SLC25A16: variants seen among roughly 807,000 people sequenced by gnomAD.
SLC25A16 encodes the protein solute carrier family 25 member 16.
In SLC25A16, 39 loss-of-function variants were observed where a neutral mutation model predicts 41.5. That is an observed-to-expected ratio of 0.94 (90% CI 0.73 to 1.23). The LOEUF is 1.23. Among genes scored for constraint, SLC25A16 ranks in the 50% most tolerant of loss-of-function variants. SLC25A16 has a pLI of 0.00. For missense variants in SLC25A16, 421 were observed against 426.9 expected (o/e 0.99, Z 0.12); for synonymous variants, 146 against 147.8 (o/e 0.99, Z 0.09).
At chr10:68,515,224 G>T (rs2053140731) in intron 2 of SLC25A16, among the ~76,000 whole-genome samples, 1 of 150,726 alleles carries the variant, frequency 6.6e-6, no homozygotes, top group Non-Finnish European at 1.5e-5. Context: ...AGGCGTGGTG[G>T]TGCATGCCTG....
chr10:68,495,514 T>G lies in SLC25A16; in HGVS notation c.422-1944A>C, dbSNP rs557050610. Among the ~76,000 whole-genome samples the G allele has an allele frequency of 5.9e-5, 9 of 152,032 alleles. No individual in the cohort carries two copies. In the South Asian group the frequency reaches 1.7e-3, roughly 28 times the overall value. Reference sequence around the variant, plus strand: ...GTATATACTCTAGGGCCGGAAACAGTGGCTCACGCCTGTAATCCCAGCACT... The same window carrying G: ...GTATATACTCTAGGGCCGGAAACAGGGGCTCACGCCTGTAATCCCAGCACT... On this transcript the variant is annotated intron_variant, in intron 4 of 8. Coordinates refer to ENST00000609923, the MANE Select transcript of SLC25A16 (RefSeq NM_152707.4).
At chr10:68,488,231 CCA>C (rs1418150128) in intron 7 of SLC25A16, among the ~76,000 whole-genome samples, 2 of 152,122 alleles carry the variant, frequency 1.3e-5, no homozygotes, top group African/African-American at 4.8e-5. Context: ...AATCCTCCTG[CCA>C]CAGTCTCCCA....
intron 1 of SLC25A16, chr10:68,517,256 T>C: frequency 2.0e-6 from 2 of 987,532 alleles, no homozygotes; most frequent in South Asian, 9.4e-5. Context: ...TGAAGTAAAC[T>C]CCTCTTCTTC....
intron 2 of SLC25A16, among the ~76,000 whole-genome samples, chr10:68,511,519 G>A (rs1471288793): frequency 2.0e-5 from 3 of 152,112 alleles, no homozygotes; most frequent in East Asian, 1.9e-4. Flanking sequence ...ACATCAGCAC[G>A]GGGAGGAGGT....
At chr10:68,526,635 C>G (rs2053342235) in intron 1 of SLC25A16, among the ~76,000 whole-genome samples, 1 of 152,174 alleles carries the variant, frequency 6.6e-6, no homozygotes. Flanking sequence ...CCCACCCCTA[C>G]ACAACCCAGA....
chr10:68,525,281 G>A (rs61856495), intron 1 of SLC25A16, among the ~76,000 whole-genome samples: 6,647 of 151,964 alleles, frequency 0.044, 206 homozygotes, highest in Middle Eastern at 0.088. Flanking sequence ...GATTACAGGC[G>A]AGTGCCACCA....
intron 8 of SLC25A16, among the ~76,000 whole-genome samples, chr10:68,486,442 T>C (rs958462130): frequency 2.0e-5 from 3 of 151,732 alleles, no homozygotes; most frequent in Non-Finnish European, 4.4e-5. Flanking sequence ...TTGTTTTTTT[T>C]ATTGAGATGG....
intron 6 of SLC25A16, among the ~76,000 whole-genome samples, chr10:68,489,890 A>T (rs565515914): frequency 7.3e-6 from 1 of 137,338 alleles, no homozygotes; most frequent in Non-Finnish European, 1.5e-5. Flanking sequence ...ACAGAGCGAG[A>T]CTCTGTCTCA....
intron 6 of SLC25A16, among the ~76,000 whole-genome samples, 156 bp from the exon 7 acceptor site, chr10:68,488,785 A>G (rs2052607966): frequency 6.6e-6 from 1 of 152,192 alleles, no homozygotes; most frequent in Non-Finnish European, 1.5e-5. Context: ...AAAGATGACA[A>G]AATTACCACC....
At chr10:68,500,866 G>A (rs531761182) in intron 4 of SLC25A16, among the ~76,000 whole-genome samples, 34 of 152,092 alleles carry the variant, frequency 2.2e-4, no homozygotes, top group African/African-American at 7.0e-4. Context: ...AGGAAGCGGA[G>A]GTTGCAATGA....
chr10:68,509,747 A>ATC (rs1473257194), intron 2 of SLC25A16, among the ~76,000 whole-genome samples: 3,438 of 145,784 alleles, frequency 0.024, 147 homozygotes, highest in African/African-American at 0.082. Flanking sequence ...ATATATCTAT[A>ATC]TATATAGATA....
intron 8 of SLC25A16, among the ~76,000 whole-genome samples, chr10:68,486,224 AACAAAAC>A (rs1213316298): frequency 1.6e-5 from 2 of 125,130 alleles, no homozygotes; most frequent in African/African-American, 6.6e-5. Flanking sequence ...GTCTCAAAAA[AACAAAAC>A]AAAAAAAAAA....
At chr10:68,519,990 T>C (rs866962206) in intron 1 of SLC25A16, among the ~76,000 whole-genome samples, 42 of 1,412 alleles carry the variant, frequency 0.03, no homozygotes, top group Non-Finnish European at 0.13. Flanking sequence ...TTTTTTTTTT[T>C]CCAGGGCTGG....
At chr10:68,493,313 CAA>C (rs1590099266) in intron 5 of SLC25A16, 115 bp from the exon 6 acceptor site, 1 of 1,127,792 alleles carries the variant, frequency 8.9e-7, no homozygotes, top group Non-Finnish European at 1.3e-6. Flanking sequence ...CCCTGAAACA[CAA>C]AGATGTGTTT....
In SLC25A16 at chr10:68,516,744, A is replaced by C; in HGVS notation, c.223+7T>G. On this transcript the variant is annotated splice_region_variant and intron_variant, in intron 2 of 8. Transcript: ENST00000609923. ...TTCATTTTTATCTTTAGCATCTATT[A>C]ACTCACCTAAATGCTTGTAATGGTG... The C allele has an allele frequency of 6.5e-7, 1 of 1,544,814 alleles. No individual in the cohort carries two copies. Among genetic ancestry groups the C allele is most frequent in the Non-Finnish European group, 8.9e-7 (1 of 1,121,966 alleles).
intron 1 of SLC25A16, among the ~76,000 whole-genome samples, chr10:68,520,091 C>A (rs1390250353): frequency 6.7e-6 from 1 of 150,174 alleles, no homozygotes; most frequent in African/African-American, 2.4e-5. Context: ...GGTGGGATTA[C>A]AGGAACCCAC....
Position 68,527,510 on chromosome 10 carries a change from G to A in SLC25A16, c.-135C>T. On this transcript the variant is annotated 5_prime_UTR_variant, in exon 1 of 9. Coordinates refer to ENST00000609923, the MANE Select transcript of SLC25A16 (RefSeq NM_152707.4). ...AAGTAACACCCGGCGGCGCGGCGCC[G>A]GCTGATGGCGTACAGCAAGGGCGGG... is the stretch of plus-strand genomic sequence containing the variant. 2 of 809,726 alleles carry A rather than the reference G, an allele frequency of 2.5e-6. No homozygotes were observed. The highest frequency in any genetic ancestry group is 3.8e-4 in the Middle Eastern group (1 of 2,626). 50.2% of individuals were successfully genotyped at this position (809,726 alleles called of 1,614,324 possible). A position where few individuals can be genotyped will look rare whatever the true frequency, so the allele number is the denominator to read the frequency against.
chr10:68,507,420 G>C (rs1243942313), intron 2 of SLC25A16, among the ~76,000 whole-genome samples: 1 of 151,982 alleles, frequency 6.6e-6, no homozygotes, highest in Admixed American at 6.6e-5. Context: ...GGTTTCAGAG[G>C]CCTACCCAGA....
chr10:68,508,643 G>A (rs967133296), intron 2 of SLC25A16, among the ~76,000 whole-genome samples: 9 of 150,942 alleles, frequency 6.0e-5, no homozygotes, highest in Non-Finnish European at 1.3e-4. Context: ...GCTTGAACCC[G>A]GGAGGCGGAG....
Sources: allele counts gnomAD v4.1 joint callset (sites outside exome capture counted in the v4.1 genomes callset), GRCh38; gene constraint gnomAD v4.1.1; transcripts MANE v1.5; gene names NCBI Gene and HGNC (gene_info 2026-07-23, HGNC 2026-07-21).